The following STAG1 variants were observed in gnomAD, a reference collection of about 807,000 sequenced individuals.
The protein encoded by STAG1 is cohesin subunit SA-1.
Under a neutral mutation model 170.9 loss-of-function variants are expected in STAG1, and 26 were observed. The observed-to-expected ratio is 0.15, with a 90% CI of 0.11 to 0.21. STAG1 has a LOEUF of 0.21. Among genes scored for constraint, STAG1 ranks in the 10% least tolerant of loss-of-function variants. STAG1 has a pLI of 1.00. For synonymous variants in STAG1, 514 were observed against 497.7 expected, an observed-to-expected ratio of 1.03 and a Z score of -0.44; for missense variants, 964 against 1,509.5, an observed-to-expected ratio of 0.64 and a Z score of 5.99.
intron 22 of STAG1, among the ~76,000 whole-genome samples, chr3:136,395,897 C>A (rs1382023342): frequency 6.6e-6 from 1 of 152,064 alleles, no homozygotes; most frequent in Admixed American, 6.6e-5. Context: ...TTTGACTTTA[C>A]TATATTAAAT....
chr3:136,341,666 T>C (rs113663290), intron 30 of STAG1, 115 bp from the exon 31 acceptor site: 3 of 661,584 alleles, frequency 4.5e-6, no homozygotes, highest in Non-Finnish European at 7.9e-6. Flanking sequence ...AGGAATTAGC[T>C]GGATTTATTC....
intron 1 of STAG1, among the ~76,000 whole-genome samples, chr3:136,708,608 T>C (rs1943293278): frequency 6.6e-6 from 1 of 152,168 alleles, no homozygotes; most frequent in South Asian, 2.1e-4. Flanking sequence ...TGGTTAAATA[T>C]ATGTTATGTG....
chr3:136,735,167 G>C (rs1050574430), intron 1 of STAG1, among the ~76,000 whole-genome samples: 14 of 151,886 alleles, frequency 9.2e-5, no homozygotes, highest in Non-Finnish European at 1.6e-4. Context: ...GCCCAGGCTG[G>C]AGTGCAGTGG....
chr3:136,748,208 T>C (rs938306081), intron 1 of STAG1, among the ~76,000 whole-genome samples: 74 of 151,836 alleles, frequency 4.9e-4, no homozygotes, highest in Non-Finnish European at 3.2e-4. Context: ...GAGACCAGCC[T>C]GGCCAACAAG....
intron 9 of STAG1, among the ~76,000 whole-genome samples, chr3:136,488,813 CAT>C (rs1194845281): frequency 2.0e-5 from 3 of 152,192 alleles, no homozygotes; most frequent in African/African-American, 4.8e-5. Context: ...TTGATTACAA[CAT>C]ATCTTTTGAT....
chr3:136,665,122 T>C (rs1171396153), intron 1 of STAG1, among the ~76,000 whole-genome samples: 1 of 152,200 alleles, frequency 6.6e-6, no homozygotes, highest in Non-Finnish European at 1.5e-5. Flanking sequence ...AGAAGTAAAC[T>C]TGTTTCTTTA....
intron 5 of STAG1, among the ~76,000 whole-genome samples, chr3:136,559,799 C>CA (rs1419447498): frequency 6.6e-6 from 1 of 152,010 alleles, no homozygotes; most frequent in African/African-American, 2.4e-5. Flanking sequence ...CAAGGGCTAT[C>CA]AAAAAACCAA....
chr3:136,736,916 C>G (rs1934375520), intron 1 of STAG1: 1 of 1,586,988 alleles, frequency 6.3e-7, no homozygotes, highest in African/African-American at 1.3e-5. Context: ...TGCTCCTGAT[C>G]TAGTAGCAAC....
intron 5 of STAG1, among the ~76,000 whole-genome samples, chr3:136,558,031 A>G (rs111717621): frequency 4.6e-5 from 7 of 152,344 alleles, no homozygotes; most frequent in African/African-American, 1.4e-4. Context: ...AAAGAGAAAA[A>G]GCAGGCTGCA....
intron 1 of STAG1, among the ~76,000 whole-genome samples, chr3:136,695,512 C>T (rs1008920233): frequency 3.7e-4 from 56 of 151,640 alleles, no homozygotes; most frequent in Admixed American, 3.7e-3. Flanking sequence ...GGGGGAGTTA[C>T]TTTCGCATGC....
intron 9 of STAG1, among the ~76,000 whole-genome samples, chr3:136,498,212 A>G (rs1353404997): frequency 5.1e-5 from 2 of 38,958 alleles, no homozygotes; most frequent in South Asian, 1.2e-3. Context: ...AAAAAAAATT[A>G]TATATATATA....
At chr3:136,369,660 A>C (rs543562788) in intron 23 of STAG1, among the ~76,000 whole-genome samples, 1 of 152,324 alleles carries the variant, frequency 6.6e-6, no homozygotes, top group East Asian at 1.9e-4. Context: ...GATTATAACA[A>C]AGATTAGAAA....
intron 21 of STAG1, among the ~76,000 whole-genome samples, chr3:136,409,762 C>T (rs976746453): frequency 5.3e-5 from 8 of 152,086 alleles, no homozygotes; most frequent in Non-Finnish European, 4.4e-5. Flanking sequence ...GCCATTAAAA[C>T]AACCTAAAAA....
intron 23 of STAG1, among the ~76,000 whole-genome samples, chr3:136,372,561 T>TCAC (rs1560066809): frequency 6.6e-6 from 1 of 152,106 alleles, no homozygotes; most frequent in African/African-American, 2.4e-5. Flanking sequence ...AGTATGAAGG[T>TCAC]TGTTGAATTT....
intron 4 of STAG1, among the ~76,000 whole-genome samples, chr3:136,581,222 C>T (rs908399328): frequency 1.3e-5 from 2 of 152,166 alleles, no homozygotes; most frequent in South Asian, 2.1e-4. Flanking sequence ...GATCCATCTG[C>T]CAGCTGTTGA....
intron 5 of STAG1, among the ~76,000 whole-genome samples, chr3:136,560,027 T>C (rs1236556495): frequency 6.6e-6 from 1 of 152,230 alleles, no homozygotes; most frequent in East Asian, 1.9e-4. Context: ...GTATTTCTTT[T>C]GGCTTACAGG....
chr3:136,478,696 T>C (rs2089828870), intron 9 of STAG1, among the ~76,000 whole-genome samples: 13 of 152,192 alleles, frequency 8.5e-5, no homozygotes, highest in Admixed American at 8.5e-4. Context: ...CTCCTGTCAT[T>C]GCTTAAGGAT....
At chr3:136,481,767 T>C in intron 9 of STAG1, among the ~76,000 whole-genome samples, 1 of 99,146 alleles carries the variant, frequency 1.0e-5, no homozygotes, top group African/African-American at 3.8e-5. Context: ...AGCCTGTTAT[T>C]GGTCTATTCA....
chr3:136,604,822 G>A (rs1226226329), intron 3 of STAG1, among the ~76,000 whole-genome samples: 3 of 151,948 alleles, frequency 2.0e-5, no homozygotes, highest in Admixed American at 2.0e-4. Context: ...GTTAATTTTT[G>A]TATTTTCAAT....
Sources: gnomAD v4.1 joint callset for allele counts (sites outside exome capture counted in the v4.1 genomes callset) on GRCh38, gnomAD v4.1.1 for gene constraint, MANE v1.5 for transcripts, NCBI Gene and HGNC (gene_info 2026-07-23, HGNC 2026-07-21) for gene names.